MKX: variants seen among roughly 807,000 people sequenced by gnomAD.
The protein encoded by MKX is homeobox protein Mohawk.
In MKX, 13 loss-of-function variants were observed where a neutral mutation model predicts 36.0. That is an observed-to-expected ratio of 0.36 (90% confidence interval 0.24 to 0.57). The LOEUF is 0.57. MKX is among the 20% of genes least tolerant of loss of function. The pLI, the probability that MKX is intolerant of heterozygous loss-of-function variation, is 0.79. For missense variants in MKX, 458 were observed against 456.4 expected (o/e 1.00, Z -0.03); for synonymous variants, 176 against 178.3 (o/e 0.99, Z 0.10).
At chr10:27,689,237 G>C (rs1469691091) in intron 5 of MKX, among the ~76,000 whole-genome samples, 1 of 152,066 alleles carries the variant, frequency 6.6e-6, no homozygotes, top group Non-Finnish European at 1.5e-5. Flanking sequence ...AAACTTCTTG[G>C]CTCTTCACAA....
chr10:27,741,567 C>A lies in MKX; in HGVS notation c.189-63G>T. 6.7e-7 allele frequency: 1 copy of A among 1,501,560 alleles called. No individual in the cohort carries two copies. The highest frequency in any genetic ancestry group is 8.8e-7 in the Non-Finnish European group (1 of 1,133,410). The allele number at this position is 1,501,560 out of a possible 1,614,324, so 93.0% of individuals were successfully genotyped here. A position where few individuals can be genotyped will look rare whatever the true frequency, so the allele number is the denominator to read the frequency against. ...CGCGTTTGCCCGCCCGGACGCTCCA[C>A]GCCCCGGCCAAGCCCGGGCCCCGCA... On this transcript the variant is annotated intron_variant, in intron 2 of 6. Coordinates refer to ENST00000419761, the MANE Select transcript of MKX (RefSeq NM_173576.3). The surrounding 1 kb of genome is among the most constrained non-coding windows in gnomAD (Gnocchi z 5.1).
At chr10:27,725,977 GAA>G (rs1023391972) in intron 5 of MKX, among the ~76,000 whole-genome samples, 3 of 152,260 alleles carry the variant, frequency 2.0e-5, no homozygotes, top group African/African-American at 7.2e-5. Context: ...TAGGGAATGA[GAA>G]AGTCTCTTAA....
At chr10:27,686,555 C>T (rs925080209) in intron 5 of MKX, among the ~76,000 whole-genome samples, 2 of 152,030 alleles carry the variant, frequency 1.3e-5, no homozygotes. Context: ...CGGCTCACTG[C>T]AACCTCTACC....
At chr10:27,735,501 TACCGGAC>T in intron 3 of MKX, 127 bp from the exon 4 acceptor site, 1 of 652,434 alleles carries the variant, frequency 1.5e-6, no homozygotes, top group African/African-American at 1.9e-5. Flanking sequence ...GACATAAGAA[TACCGGAC>T]ATTCGCATCC....
intron 5 of MKX, among the ~76,000 whole-genome samples, chr10:27,726,859 A>G (rs1834501994): frequency 6.6e-6 from 1 of 152,130 alleles, no homozygotes; most frequent in African/African-American, 2.4e-5. Flanking sequence ...TTATGATTTA[A>G]GGAGCAGACA....
intron 5 of MKX, among the ~76,000 whole-genome samples, chr10:27,724,878 C>T (rs16928213): frequency 0.016 from 2,432 of 151,694 alleles, 57 homozygotes; most frequent in African/African-American, 0.055. Flanking sequence ...AAAGATGATC[C>T]GTAGGTACTG....
chr10:27,708,239 T>C (rs937327358), intron 5 of MKX, among the ~76,000 whole-genome samples: 1 of 152,220 alleles, frequency 6.6e-6, no homozygotes, highest in African/African-American at 2.4e-5. Flanking sequence ...TGGTGCATCC[T>C]GGCAAGTATC....
At chr10:27,687,255 C>T (rs1836374224) in intron 5 of MKX, among the ~76,000 whole-genome samples, 2 of 152,178 alleles carry the variant, frequency 1.3e-5, no homozygotes, top group South Asian at 4.1e-4. Context: ...CCACCCGCCT[C>T]GCCCTCCCAA....
At chr10:27,732,486 T>C (rs1388218782) in intron 5 of MKX, among the ~76,000 whole-genome samples, 3 of 152,198 alleles carry the variant, frequency 2.0e-5, no homozygotes, top group African/African-American at 7.2e-5. Context: ...AATAACTGTT[T>C]ATTGATTGTT....
intron 5 of MKX, among the ~76,000 whole-genome samples, chr10:27,694,316 C>T (rs1301927793): frequency 6.6e-6 from 1 of 151,856 alleles, no homozygotes; most frequent in Non-Finnish European, 1.5e-5. Flanking sequence ...CAGAACAAAC[C>T]AGATCCATTT....
chr10:27,714,823 T>G (rs148020110), intron 5 of MKX, among the ~76,000 whole-genome samples: 1 of 152,264 alleles, frequency 6.6e-6, no homozygotes, highest in African/African-American at 2.4e-5. Context: ...TGATTAGATG[T>G]AAACCTTTTG....
Position 27,741,846 on chromosome 10 carries a change from C to A in MKX, c.189-342G>T, listed in dbSNP as rs1027808972. On this transcript the variant is annotated intron_variant, in intron 2 of 6. Transcript: ENST00000419761. This position sits in a 1 kb window ranked among gnomAD's most constrained non-coding sequence, Gnocchi z 5.1. The stretch of plus-strand genomic sequence containing the variant: ...GGCTAACTGCTACCCTTCCCTCACC[C>A]GCTGGCGCCGCACCCTCGAGTGGCC... Among the ~76,000 whole-genome samples, 2 of 152,222 alleles carry A rather than the reference C, an allele frequency of 1.3e-5. No individual in the cohort carries two copies. Among genetic ancestry groups the A allele is most frequent in the African/African-American group, 4.8e-5 (2 of 41,478 alleles).
intron 5 of MKX, among the ~76,000 whole-genome samples, chr10:27,728,717 T>A (rs759895677): frequency 5.3e-5 from 8 of 152,226 alleles, no homozygotes; most frequent in Admixed American, 1.3e-4. Context: ...ATTGAACTCA[T>A]GAGCATATCT....
intron 5 of MKX, among the ~76,000 whole-genome samples, chr10:27,731,269 G>C (rs1834622947): frequency 6.6e-6 from 1 of 152,098 alleles, no homozygotes; most frequent in South Asian, 2.1e-4. Context: ...GGGGGAGGGG[G>C]TGTTAATACA....
chr10:27,714,758 C>T (rs1448304252), intron 5 of MKX, among the ~76,000 whole-genome samples: 1 of 152,132 alleles, frequency 6.6e-6, no homozygotes, highest in Non-Finnish European at 1.5e-5. Context: ...TATAACAAAA[C>T]GATTTATGGC....
chr10:27,693,886 T>G (rs1589661892), intron 5 of MKX, among the ~76,000 whole-genome samples: 1 of 152,258 alleles, frequency 6.6e-6, no homozygotes, highest in East Asian at 1.9e-4. Context: ...CCATGTGCAG[T>G]GAGAGGGACC....
At chr10:27,680,574 C>G (rs1178095500) in intron 5 of MKX, among the ~76,000 whole-genome samples, 1 of 152,068 alleles carries the variant, frequency 6.6e-6, no homozygotes. Context: ...GTGAAAAATG[C>G]AACTCAGAAG....
At position 27,744,779 on chromosome 10, in the gene MKX, GC is replaced by G; in HGVS notation, c.-83+927del. On this transcript the variant is annotated intron_variant, in intron 1 of 6. Coordinates refer to ENST00000419761, the MANE Select transcript of MKX (RefSeq NM_173576.3). The surrounding 1 kb of genome is among the most constrained non-coding windows in gnomAD (Gnocchi z 5.6). ...TCGCCAAGCGCCCACACTCGCCAACGCCCCCGCCCCGCCCTTCGGCCACCGC... is the reference window on the plus strand; with the variant it reads ...TCGCCAAGCGCCCACACTCGCCAACGCCCCGCCCCGCCCTTCGGCCACCGC... 2 of 152,580 alleles carry G rather than the reference GC, an allele frequency of 1.3e-5. No homozygotes were observed. Among genetic ancestry groups the G allele is most frequent in the Non-Finnish European group, 2.9e-5 (2 of 69,422 alleles). 9.5% of individuals were successfully genotyped at this position (152,580 alleles called of 1,614,324 possible). A position where few individuals can be genotyped will look rare whatever the true frequency, so the allele number is the denominator to read the frequency against.
intron 5 of MKX, among the ~76,000 whole-genome samples, chr10:27,695,683 C>G (rs1836541682): frequency 6.6e-6 from 1 of 151,806 alleles, no homozygotes; most frequent in Non-Finnish European, 1.5e-5. Flanking sequence ...AGAATAAAGA[C>G]AGGAGAGATA....
Sources: gnomAD v4.1 joint callset for allele counts (sites outside exome capture counted in the v4.1 genomes callset) on GRCh38, gnomAD v4.1.1 for gene constraint, Gnocchi (gnomAD v3.1) non-coding constraint, MANE v1.5 for transcripts, NCBI Gene and HGNC (gene_info 2026-07-23, HGNC 2026-07-21) for gene names.